The following NPSR1 variants were observed in gnomAD, a reference collection of about 807,000 sequenced individuals.
The protein encoded by NPSR1 is neuropeptide S receptor 1.
In NPSR1, 48 loss-of-function variants were observed where a neutral mutation model predicts 46.9. The ratio of observed to expected loss-of-function variants is 1.02; its 90% CI spans 0.81 to 1.30. NPSR1 has a LOEUF of 1.30. Among genes scored for constraint, NPSR1 ranks in the 50% most tolerant of loss-of-function variants. NPSR1 has a pLI of 0.00. For synonymous variants in NPSR1, 176 were observed against 168.1 expected, an observed-to-expected ratio of 1.05 and a Z score of -0.36; for missense variants, 450 against 449.5, an observed-to-expected ratio of 1.00 and a Z score of -0.01.
rs1787077811 is a variant in NPSR1, at chr7:34,778,445, T to C, written c.281-17T>C. ...AAAAATAAACCCTGAATGTAAGCAC[T>C]TGTACGTTTTTGTTAGATTCTTTCA... On this transcript the variant is annotated splice_polypyrimidine_tract_variant and intron_variant, in intron 2 of 8. Transcript: ENST00000360581. 7.1e-7 allele frequency: 1 copy of C among 1,411,574 alleles called. No homozygotes were observed. The highest frequency in any genetic ancestry group is 1.4e-5 in the African/African-American group (1 of 70,214). The allele number at this position is 1,411,574 out of a possible 1,614,324, so 87.4% of individuals were successfully genotyped here. A position where few individuals can be genotyped will look rare whatever the true frequency, so the allele number is the denominator to read the frequency against.
chr7:34,734,455 G>A (rs1462496670), intron 2 of NPSR1, among the ~76,000 whole-genome samples: 1 of 152,128 alleles, frequency 6.6e-6, no homozygotes, highest in East Asian at 1.9e-4. Context: ...TGAACAGCAT[G>A]GATGATAGGG....
chr7:34,843,848 C>T (rs911352940), intron 6 of NPSR1, among the ~76,000 whole-genome samples: 10 of 152,252 alleles, frequency 6.6e-5, no homozygotes, highest in East Asian at 1.9e-4. Flanking sequence ...CATGTGACTT[C>T]GACGCACTGA....
At chr7:34,730,086 T>TA (rs1162534412) in intron 2 of NPSR1, among the ~76,000 whole-genome samples, 1 of 152,240 alleles carries the variant, frequency 6.6e-6, no homozygotes, top group African/African-American at 2.4e-5. Flanking sequence ...GAATAAATTT[T>TA]AAAAGAATTG....
chr7:34,846,675 G>A (rs959384892), intron 7 of NPSR1, among the ~76,000 whole-genome samples: 7 of 151,912 alleles, frequency 4.6e-5, no homozygotes, highest in South Asian at 2.1e-4. Context: ...AAATGTAAGC[G>A]GTATTACTGT....
At chr7:34,853,206 C>G (rs750320888), downstream of NPSR1, among the ~76,000 whole-genome samples, 54 of 152,136 alleles carry the variant, frequency 3.5e-4, no homozygotes, top group Admixed American at 8.5e-4. Context: ...CAGTGTCAAT[C>G]AGAAAAGGCC....
At chr7:34,841,121 A>C (rs1790548785) in intron 6 of NPSR1, among the ~76,000 whole-genome samples, 1 of 152,246 alleles carries the variant, frequency 6.6e-6, no homozygotes, top group African/African-American at 2.4e-5. Context: ...AAAGTTTCTA[A>C]TATAGGAAGC....
chr7:34,801,578 A>G (rs1467324044), intron 3 of NPSR1, among the ~76,000 whole-genome samples: 1 of 141,954 alleles, frequency 7.0e-6, no homozygotes, highest in Admixed American at 7.0e-5. Flanking sequence ...TCAAAATAAT[A>G]AGAGCTATCT....
At chr7:34,751,940 C>A (rs560089012) in intron 2 of NPSR1, 4 of 1,255,976 alleles carry the variant, frequency 3.2e-6, no homozygotes, top group Non-Finnish European at 4.7e-6. Flanking sequence ...CCTGAGGCAA[C>A]TGGAAGTGGG....
chr7:34,679,562 A>C (rs1056098047), intron 1 of NPSR1, among the ~76,000 whole-genome samples: 1 of 152,106 alleles, frequency 6.6e-6, no homozygotes, highest in Non-Finnish European at 1.5e-5. Flanking sequence ...TAATAAAACC[A>C]GTGATTTTTC....
In NPSR1 at chr7:34,759,351, TC is replaced by T. The variant is rs1284720771; in HGVS notation, c.281-19108del. On this transcript the variant is annotated intron_variant, in intron 2 of 8. Transcript: ENST00000360581. ...GTCTCTCTACTTTAAGGAAGAAATT[TC>T]CCTTCTCTCCCATTTTTAAATTTAC... Among the ~76,000 whole-genome samples the T allele has an allele frequency of 2.6e-5, 4 of 152,218 alleles. No individual in the cohort carries two copies. In the East Asian group the frequency reaches 7.7e-4, roughly 29 times the overall value.
At chr7:34,665,388 C>T (rs910286282) in intron 1 of NPSR1, among the ~76,000 whole-genome samples, 60 of 152,274 alleles carry the variant, frequency 3.9e-4, no homozygotes, top group African/African-American at 1.4e-3. Flanking sequence ...TTAATTACCT[C>T]AATAGGCAAC....
chr7:34,691,893 A>T (rs888393171), intron 2 of NPSR1, among the ~76,000 whole-genome samples: 1 of 152,180 alleles, frequency 6.6e-6, no homozygotes, highest in African/African-American at 2.4e-5. Flanking sequence ...AGGTGGTAGG[A>T]TTGTTTGAGG....
chr7:34,853,964 C>A (rs1790996771), downstream of NPSR1, among the ~76,000 whole-genome samples: 1 of 129,006 alleles, frequency 7.8e-6, no homozygotes, highest in African/African-American at 3.3e-5. Context: ...GAAACTCTGC[C>A]TGGAAAAAAA....
intron 3 of NPSR1, among the ~76,000 whole-genome samples, chr7:34,808,211 C>A (rs1226155684): frequency 6.6e-6 from 1 of 152,126 alleles, no homozygotes. Context: ...ATGGGCTTGC[C>A]AAACTTTTAT....
intron 6 of NPSR1, among the ~76,000 whole-genome samples, chr7:34,836,724 G>GAAA (rs529997109): frequency 2.8e-4 from 40 of 144,146 alleles, no homozygotes; most frequent in African/African-American, 9.8e-4. Flanking sequence ...AAGAAAGAAA[G>GAAA]GAAAGGAAAG....
intron 2 of NPSR1, among the ~76,000 whole-genome samples, chr7:34,727,401 C>T (rs1438017360): frequency 6.6e-6 from 1 of 152,002 alleles, no homozygotes; most frequent in Non-Finnish European, 1.5e-5. Context: ...AATAAAGAGG[C>T]CTGATGTATT....
intron 1 of NPSR1, among the ~76,000 whole-genome samples, chr7:34,664,735 G>A (rs1791653935): frequency 6.6e-6 from 1 of 151,964 alleles, no homozygotes; most frequent in Non-Finnish European, 1.5e-5. Flanking sequence ...CAAACTTAAT[G>A]GCCCACTACA....
At chr7:34,776,125 T>A (rs754632530) in intron 2 of NPSR1, among the ~76,000 whole-genome samples, 1 of 152,266 alleles carries the variant, frequency 6.6e-6, no homozygotes, top group Non-Finnish European at 1.5e-5. Context: ...TTTGTTTTAA[T>A]GTTTTCAGGC....
chr7:34,821,850 A>G (rs1174805255), intron 4 of NPSR1, among the ~76,000 whole-genome samples: 2 of 152,220 alleles, frequency 1.3e-5, no homozygotes, highest in Non-Finnish European at 2.9e-5. Flanking sequence ...AGGTGCTTGG[A>G]AAATCCTCAT....
Sources: allele counts gnomAD v4.1 joint callset (sites outside exome capture counted in the v4.1 genomes callset), GRCh38; gene constraint gnomAD v4.1.1; transcripts MANE v1.5; gene names NCBI Gene and HGNC (gene_info 2026-07-23, HGNC 2026-07-21).